Variants in PRKAR2A observed in about 807,000 individuals in gnomAD.
PRKAR2A encodes the protein protein kinase cAMP-dependent type II regulatory subunit alpha.
In PRKAR2A, 29 loss-of-function variants were observed where a neutral mutation model predicts 51.9. The observed-to-expected ratio is 0.56, with a 90% CI of 0.42 to 0.76. The LOEUF (loss-of-function observed/expected upper bound fraction) is 0.76. Among genes scored for constraint, PRKAR2A ranks in the 30% least tolerant of loss-of-function variants. PRKAR2A has a pLI of 0.00. For synonymous variants in PRKAR2A, 178 were observed against 186.2 expected, an observed-to-expected ratio of 0.96 and a Z score of 0.36; for missense variants, 445 against 512.1, an observed-to-expected ratio of 0.87 and a Z score of 1.26.
At chr3:48,845,862 C>T (rs1290933387) in intron 1 of PRKAR2A, among the ~76,000 whole-genome samples, 1 of 151,758 alleles carries the variant, frequency 6.6e-6, no homozygotes, top group Admixed American at 6.6e-5. Context: ...GGGAGGATAC[C>T]TTGAGCTTGT....
In PRKAR2A at chr3:48,847,428, G is replaced by A; in HGVS notation, c.169C>T (p.Gln57Ter). ...ASVLPAATPR[Q>*]SLGHPPPEPG... The stretch of plus-strand genomic sequence containing the variant: ...TCTGGCGGGGGGTGGCCCAGGCTCT[G>A]GCGTGGGGTGGCGGCGGGCAGGACT... The change falls in exon 1 of 11, where the codon CAG (glutamine) becomes TAG (stop). Residue 57 changes from glutamine to a stop codon, truncating the protein, a stop_gained. Transcript: ENST00000265563. LOFTEE classifies it high-confidence loss of function. The surrounding 1 kb of genome is among the most constrained non-coding windows in gnomAD (Gnocchi z 4.4). 1.3e-6 allele frequency: 2 copies of A among 1,586,718 alleles called. No homozygotes were observed. Among genetic ancestry groups the A allele is most frequent in the Non-Finnish European group, 8.6e-7 (1 of 1,166,518 alleles).
chr3:48,752,148 A>G (rs982662688), intron 10 of PRKAR2A, 28 bp downstream of exon 10: 3 of 1,593,908 alleles, frequency 1.9e-6, no homozygotes, highest in Non-Finnish European at 2.6e-6. Flanking sequence ...TAGAAAAAGA[A>G]TATTAATGCA....
At position 48,750,114 on chromosome 3, in the gene PRKAR2A, A is replaced by C. The variant is rs2081622913; in HGVS notation, c.*1471T>G. ...TGCAGTGGCTCACATCTGTAATCCC[A>C]GCACTCTGAGAGGCTGAGGTGGGCG... is the stretch of plus-strand genomic sequence containing the variant. On this transcript the variant is annotated 3_prime_UTR_variant, in exon 11 of 11. Coordinates refer to ENST00000265563, the MANE Select transcript of PRKAR2A (RefSeq NM_004157.4). 6.6e-6 allele frequency: 1 copy of C among 152,050 alleles called. No individual in the cohort carries two copies. Among genetic ancestry groups the C allele is most frequent in the Non-Finnish European group, 1.5e-5 (1 of 68,028 alleles). The allele number at this position is 152,050 out of a possible 1,614,324, so 9.4% of individuals were successfully genotyped here.
At chr3:48,752,902 G>C (rs2081677569) in intron 9 of PRKAR2A, among the ~76,000 whole-genome samples, 1 of 117,132 alleles carries the variant, frequency 8.5e-6, no homozygotes, top group South Asian at 3.3e-4. Flanking sequence ...CCTTAAGTTA[G>C]TGGTTCCCTC....
At chr3:48,811,276 G>T (rs1345694415) in intron 1 of PRKAR2A, among the ~76,000 whole-genome samples, 2 of 152,068 alleles carry the variant, frequency 1.3e-5, no homozygotes, top group Admixed American at 1.3e-4. Flanking sequence ...TCACCAGCCT[G>T]GGCAATATAA....
At chr3:48,780,276 C>A (rs559958990) in intron 5 of PRKAR2A, among the ~76,000 whole-genome samples, 12 of 152,102 alleles carry the variant, frequency 7.9e-5, no homozygotes, top group Admixed American at 5.2e-4. Flanking sequence ...TTATTTATGT[C>A]ATCTTTACCC....
Position 48,782,656 on chromosome 3 carries a change from A to C in PRKAR2A, c.542+330T>G, listed in dbSNP as rs546691901. On this transcript the variant is annotated intron_variant, in intron 5 of 10. Coordinates refer to ENST00000265563, the MANE Select transcript of PRKAR2A (RefSeq NM_004157.4). ...TTTTTAGTAGATACGGGGTTTCACCATACTGGCCAGGCTGGTCTCAAACCC... is the reference window on the plus strand; with the variant it reads ...TTTTTAGTAGATACGGGGTTTCACCCTACTGGCCAGGCTGGTCTCAAACCC... 5.9e-5 allele frequency among the ~76,000 whole-genome samples: 9 copies of C among 152,302 alleles called. No homozygotes were observed. In the South Asian group the frequency reaches 1.9e-3, roughly 32 times the overall value.
At chr3:48,797,174 A>ATTG (rs2082508898) in intron 2 of PRKAR2A, among the ~76,000 whole-genome samples, 1 of 151,628 alleles carries the variant, frequency 6.6e-6, no homozygotes, top group Non-Finnish European at 1.5e-5. Flanking sequence ...TATTATTATT[A>ATTG]TTATATTTTT....
At chr3:48,758,580 CA>C (rs527383934) in intron 8 of PRKAR2A, among the ~76,000 whole-genome samples, 171 of 51,112 alleles carry the variant, frequency 3.3e-3, no homozygotes, top group East Asian at 7.9e-3. Context: ...AAGACTGTCT[CA>C]AAAAAAAAAA....
At chr3:48,820,665 T>C (rs893957164) in intron 1 of PRKAR2A, among the ~76,000 whole-genome samples, 8 of 152,090 alleles carry the variant, frequency 5.3e-5, no homozygotes, top group Non-Finnish European at 8.8e-5. Flanking sequence ...TCCTCATCTA[T>C]AAAACCAGGA....
At chr3:48,836,419 T>TAAAAAAAAAAAACAAA (rs2083285180) in intron 1 of PRKAR2A, among the ~76,000 whole-genome samples, 2 of 56,096 alleles carry the variant, frequency 3.6e-5, no homozygotes, top group South Asian at 1.0e-3. Flanking sequence ...AGACTCCGTC[T>TAAAAAAAAAAAACAAA]AAAAAAAAAA....
intron 1 of PRKAR2A, among the ~76,000 whole-genome samples, chr3:48,821,847 G>A (rs530648131): frequency 4.6e-5 from 7 of 151,020 alleles, no homozygotes; most frequent in Non-Finnish European, 8.8e-5. Context: ...CCTGGGAGGT[G>A]AAGGTTGCAG....
At chr3:48,803,906 G>C (rs1209743594) in intron 2 of PRKAR2A, among the ~76,000 whole-genome samples, 1 of 152,130 alleles carries the variant, frequency 6.6e-6, no homozygotes, top group African/African-American at 2.4e-5. Context: ...GGAGGTTGCA[G>C]TGAGCCAAGA....
In PRKAR2A at chr3:48,765,058, A is replaced by G; in HGVS notation, c.819T>C (p.Ile273=). 1.2e-6 allele frequency: 2 copies of G among 1,614,180 alleles called. No homozygotes were observed. Among genetic ancestry groups the G allele is most frequent in the East Asian group, 2.2e-5 (1 of 44,888 alleles). ...KSLEVSERMK[I]VDVIGEKIYK... ...AGATCTTCTCTCCTATTACATCCAC[A>G]ATCTTCATTCGTTCTGACACCTGAA... The change falls in exon 8 of 11, where the codon ATT becomes ATC. Residue 273 remains isoleucine, a synonymous_variant. Coordinates refer to ENST00000265563, the MANE Select transcript of PRKAR2A (RefSeq NM_004157.4).
rs190518043 is a variant in PRKAR2A, at chr3:48,813,853, T to G, written c.263-6169A>C. Among the ~76,000 whole-genome samples the G allele has an allele frequency of 3.0e-3, 453 of 151,926 alleles. 3 individuals are homozygous for G. Among genetic ancestry groups the G allele is most frequent in the African/African-American group, 1.0e-2 (413 of 41,422 alleles). On this transcript the variant is annotated intron_variant, in intron 1 of 10. Coordinates refer to ENST00000265563, the MANE Select transcript of PRKAR2A (RefSeq NM_004157.4). ...AGGAGGAAAGTGGGGCCAGGATGTG[T>G]TGGCTCACACCTGTAATTCCAGTAC...
chr3:48,823,697 G>A (rs2083008167), intron 1 of PRKAR2A, among the ~76,000 whole-genome samples: 1 of 148,190 alleles, frequency 6.7e-6, no homozygotes, highest in Admixed American at 6.8e-5. Context: ...AAGGTGGGAG[G>A]ATTGCTTGAA....
intron 5 of PRKAR2A, among the ~76,000 whole-genome samples, chr3:48,778,140 T>A (rs933738448): frequency 6.6e-6 from 1 of 152,208 alleles, no homozygotes. Context: ...GAACTGTACC[T>A]TTTTACTTGA....
intron 1 of PRKAR2A, among the ~76,000 whole-genome samples, chr3:48,821,991 C>T (rs1433937399): frequency 1.3e-5 from 2 of 151,520 alleles, no homozygotes; most frequent in African/African-American, 2.4e-5. Flanking sequence ...CTTTGGGAGG[C>T]CAAGGCGGGC....
At chr3:48,791,078 G>A (rs1465214675) in intron 3 of PRKAR2A, among the ~76,000 whole-genome samples, 1 of 152,024 alleles carries the variant, frequency 6.6e-6, no homozygotes, top group African/African-American at 2.4e-5. Context: ...CACGATGTCA[G>A]GAGATCGAGA....
Sources: gnomAD v4.1 joint callset for allele counts (sites outside exome capture counted in the v4.1 genomes callset) on GRCh38, gnomAD v4.1.1 for gene constraint, Gnocchi (gnomAD v3.1) non-coding constraint, MANE v1.5 for transcripts, NCBI Gene and HGNC (gene_info 2026-07-23, HGNC 2026-07-21) for gene names.